Variants in CFAP54 observed in about 807,000 individuals in gnomAD.
CFAP54 encodes the protein cilia and flagella associated protein 54, also known as cilia- and flagella-associated protein 54.
In CFAP54, 290 loss-of-function variants were observed where a neutral mutation model predicts 370.4. The observed-to-expected ratio is 0.78, with a 90% CI of 0.71 to 0.86. The LOEUF is 0.86. Ranked by LOEUF, CFAP54 falls within the 40% of genes least tolerant of loss-of-function variation. CFAP54 has a pLI of 0.00. For synonymous variants in CFAP54, 1,206 were observed against 1,236.5 expected (o/e 0.98, Z 0.52); for missense variants, 3,399 against 3,528.7 (o/e 0.96, Z 0.93).
chr12:96,742,868 A>G lies in CFAP54; in HGVS notation c.7219+282A>G, dbSNP rs79062482. 9.7e-3 allele frequency among the ~76,000 whole-genome samples: 1,475 copies of G among 152,330 alleles called. 56 individuals carry two copies. In the East Asian group the frequency reaches 0.1, roughly 11 times the overall value. On this transcript the variant is annotated intron_variant, in intron 52 of 67. Transcript: ENST00000524981. The stretch of plus-strand genomic sequence containing the variant: ...GTCATCTGGGAAGGCAACTAAGTGT[A>G]GGAGTGAAGAGCACAGATTACTGGA...
At chr12:96,687,682 CT>C (rs1276884223) in intron 42 of CFAP54, among the ~76,000 whole-genome samples, 1 of 152,018 alleles carries the variant, frequency 6.6e-6, no homozygotes, top group East Asian at 1.9e-4. Context: ...AGATTTAGAC[CT>C]CTGTCAAGTT....
At chr12:96,497,857 A>G (rs1377272887) in intron 1 of CFAP54, among the ~76,000 whole-genome samples, 2 of 152,202 alleles carry the variant, frequency 1.3e-5, no homozygotes, top group African/African-American at 4.8e-5. Flanking sequence ...TAAGACCCCT[A>G]TATAAGAAGA....
At chr12:96,638,776 C>A (rs1210924517) in intron 32 of CFAP54, among the ~76,000 whole-genome samples, 1 of 152,098 alleles carries the variant, frequency 6.6e-6, no homozygotes, top group African/African-American at 2.4e-5. Context: ...TCCCCTTTTC[C>A]TTTTTCTTCC....
intron 22 of CFAP54, among the ~76,000 whole-genome samples, chr12:96,586,177 T>C (rs1956074774): frequency 1.3e-5 from 2 of 152,194 alleles, no homozygotes; most frequent in Non-Finnish European, 2.9e-5. Context: ...TTAAGCAGAT[T>C]GCTGGATGCC....
intron 42 of CFAP54, among the ~76,000 whole-genome samples, chr12:96,686,642 A>C (rs1957333223): frequency 6.6e-6 from 1 of 152,270 alleles, no homozygotes; most frequent in East Asian, 1.9e-4. Context: ...TGTGATGTGA[A>C]CTCACTCATC....
intron 67 of CFAP54, among the ~76,000 whole-genome samples, chr12:96,868,466 A>G (rs1193404930): frequency 1.3e-5 from 2 of 150,346 alleles, no homozygotes; most frequent in Non-Finnish European, 3.0e-5. Flanking sequence ...AGATCCCTCA[A>G]TAACAGGAAT....
intron 55 of CFAP54, among the ~76,000 whole-genome samples, chr12:96,746,613 T>G (rs373613546): frequency 6.6e-6 from 1 of 152,350 alleles, no homozygotes; most frequent in African/African-American, 2.4e-5. Flanking sequence ...TTCCCTAGTC[T>G]ATCCTTTAAG....
chr12:96,614,460 G>A (rs898318606), intron 26 of CFAP54, among the ~76,000 whole-genome samples: 27 of 152,324 alleles, frequency 1.8e-4, no homozygotes, highest in Non-Finnish European at 2.5e-4. Context: ...GCACAAGACA[G>A]GGATGCCCTC....
intron 4 of CFAP54, among the ~76,000 whole-genome samples, chr12:96,512,417 A>G (rs1955183553): frequency 7.5e-6 from 1 of 133,972 alleles, no homozygotes; most frequent in African/African-American, 2.8e-5. Context: ...ATCTCGGCTC[A>G]CTGCAACCTC....
At chr12:96,792,192 G>A in intron 62 of CFAP54, 137 bp from the exon 63 acceptor site, 1 of 715,200 alleles carries the variant, frequency 1.4e-6, no homozygotes, top group South Asian at 2.2e-5. Flanking sequence ...TAGTAAGCCA[G>A]GGTTAGTTTT....
chr12:96,569,415 T>A (rs76338882), intron 19 of CFAP54, among the ~76,000 whole-genome samples: 9,719 of 152,198 alleles, frequency 0.064, 774 homozygotes, highest in African/African-American at 0.17. Context: ...AGAAAATTAT[T>A]GCTTAGGAAA....
chr12:96,528,389 G>A (rs1297462960), intron 9 of CFAP54, among the ~76,000 whole-genome samples: 1 of 152,092 alleles, frequency 6.6e-6, no homozygotes, highest in East Asian at 1.9e-4. Context: ...CTCTGTTGAA[G>A]GGAGAGACTT....
chr12:96,580,895 A>T, intron 21 of CFAP54, 25 bp from the exon 22 acceptor site: 5 of 1,406,896 alleles, frequency 3.6e-6, no homozygotes, highest in Non-Finnish European at 4.7e-6. Context: ...TTCATGTATA[A>T]CTTGAAATAT....
In CFAP54 at chr12:96,598,745, G is replaced by A; in HGVS notation, c.3617G>A (p.Cys1206Tyr). 1.6e-6 allele frequency: 1 copy of A among 634,254 alleles called. No individual in the cohort carries two copies. Among genetic ancestry groups the A allele is most frequent in the East Asian group, 2.8e-5 (1 of 35,708 alleles). The allele number at this position is 634,254 out of a possible 1,614,324, so 39.3% of individuals were successfully genotyped here. The change falls in exon 26 of 68, where the codon TGT (cysteine) becomes TAT (tyrosine). Residue 1206 changes from cysteine (C) to tyrosine (Y), a missense_variant. Cys to Tyr is a radical substitution (Grantham distance 194). Transcript: ENST00000524981. ...SFESIQHMIACCIFYITKILR... is the reference protein window; with the variant it reads ...SFESIQHMIAYCIFYITKILR... ...GAAAGTATACAACACATGATAGCTT[G>A]TTGTATTTTCTACATAACAAAGGTA...
chr12:96,621,875 GTTTTTTTTTTTTTTTTTTT>G (rs71068819), intron 27 of CFAP54, among the ~76,000 whole-genome samples, 154 bp downstream of exon 27: 75 of 50,050 alleles, frequency 1.5e-3, no homozygotes, highest in African/African-American at 5.8e-3. Flanking sequence ...TTTTGGGTTT[GTTTTTTTTTTTTTTTTTTT>G]TTTTTTTTTT....
At chr12:96,499,982 C>G (rs548010555) in intron 1 of CFAP54, among the ~76,000 whole-genome samples, 2 of 146,554 alleles carry the variant, frequency 1.4e-5, no homozygotes, top group Non-Finnish European at 3.0e-5. Context: ...CAAAACAAAA[C>G]AAAAAAAACC....
chr12:96,546,835 A>G (rs1057431398), intron 14 of CFAP54, among the ~76,000 whole-genome samples: 3 of 151,932 alleles, frequency 2.0e-5, no homozygotes, highest in African/African-American at 7.2e-5. Flanking sequence ...TCTCAAAAAA[A>G]AAAACAACTC....
At chr12:96,769,651 A>G (rs73381301) in intron 60 of CFAP54, among the ~76,000 whole-genome samples, 3,801 of 152,308 alleles carry the variant, frequency 0.025, 145 homozygotes, top group African/African-American at 0.083. Flanking sequence ...ATACAGTGTC[A>G]ACATGGCAAT....
At position 96,532,343 on chromosome 12, in the gene CFAP54, T is replaced by A. The variant is rs1955448073; in HGVS notation, c.1358-1449T>A. ...GTTAGCTCCTATGCCTTTAGGTGAGTTTAGTGTGTGGGTGTGGGCACATGT... is the reference window on the plus strand; with the variant it reads ...GTTAGCTCCTATGCCTTTAGGTGAGATTAGTGTGTGGGTGTGGGCACATGT... On this transcript the variant is annotated intron_variant, in intron 9 of 67. Transcript: ENST00000524981. Among the ~76,000 whole-genome samples, 3 of 152,022 alleles carry A rather than the reference T, an allele frequency of 2.0e-5. No homozygotes were observed. The South Asian group carries it at 6.2e-4, about 32-fold the overall frequency.
Sources: gnomAD v4.1 joint callset for allele counts (sites outside exome capture counted in the v4.1 genomes callset) on GRCh38, gnomAD v4.1.1 for gene constraint, MANE v1.5 for transcripts, NCBI Gene and HGNC (gene_info 2026-07-23, HGNC 2026-07-21) for gene names.